Variants in PCDH1 observed in about 807,000 individuals in gnomAD.
PCDH1 encodes the protein protocadherin 1.
Under a neutral mutation model 74.6 loss-of-function variants are expected in PCDH1, and 23 were observed. That is an observed-to-expected ratio of 0.31 (90% CI 0.22 to 0.44). The LOEUF (loss-of-function observed/expected upper bound fraction) is 0.44, where lower values mean the gene tolerates loss of function less well. Among genes scored for constraint, PCDH1 ranks in the 20% least tolerant of loss-of-function variants. The pLI, the probability that PCDH1 is intolerant of heterozygous loss-of-function variation, is 1.00. For synonymous variants in PCDH1, 647 were observed against 686.1 expected (o/e 0.94, Z 0.89); for missense variants, 1,214 against 1,641.4 (o/e 0.74, Z 4.50).
intron 3 of PCDH1, among the ~76,000 whole-genome samples, chr5:141,862,235 G>A (rs1752594981): frequency 1.3e-5 from 2 of 152,208 alleles, no homozygotes; most frequent in Admixed American, 1.3e-4. Context: ...AAGGCAGGAA[G>A]GAAGGCTGAA....
At chr5:141,866,554 G>A (rs1752846770) in intron 2 of PCDH1, among the ~76,000 whole-genome samples, 1 of 152,182 alleles carries the variant, frequency 6.6e-6, no homozygotes, top group African/African-American at 2.4e-5. Context: ...GGGAGAATAA[G>A]CATAACTTGG....
Position 141,853,927 on chromosome 5 carries a change from T to C in PCDH1, c.*115A>G. 1 of 960,832 alleles carries C rather than the reference T, an allele frequency of 1.0e-6. No homozygotes were observed. The highest frequency in any genetic ancestry group is 2.2e-5 in the South Asian group (1 of 46,244). 59.5% of individuals were successfully genotyped at this position (960,832 alleles called of 1,614,324 possible). A position where few individuals can be genotyped will look rare whatever the true frequency, so the allele number is the denominator to read the frequency against. On this transcript the variant is annotated 3_prime_UTR_variant, in exon 5 of 5. Coordinates refer to ENST00000287008, the MANE Select transcript of PCDH1 (RefSeq NM_032420.5). ...GTCATGAGGTCAGTGATACCCCCAC[T>C]TGGGGCCCTGGCCAGGAAGTCCACG...
chr5:141,856,026 T>G (rs1383407337), intron 4 of PCDH1, among the ~76,000 whole-genome samples: 1 of 149,800 alleles, frequency 6.7e-6, no homozygotes, highest in Non-Finnish European at 1.5e-5. Flanking sequence ...CACCACCCAC[T>G]ATGGCTTGGC....
intron 1 of PCDH1, among the ~76,000 whole-genome samples, chr5:141,873,376 G>A (rs1427792779): frequency 1.4e-5 from 2 of 147,308 alleles, no homozygotes; most frequent in Non-Finnish European, 3.0e-5. Flanking sequence ...CTGACCTCAT[G>A]ATCTGCCCGC....
chr5:141,867,915 T>C (rs1049044590), intron 2 of PCDH1, among the ~76,000 whole-genome samples: 8 of 152,176 alleles, frequency 5.3e-5, no homozygotes, highest in Non-Finnish European at 1.0e-4. Context: ...GCAGTTCCCA[T>C]GGAGAGGGGT....
intron 2 of PCDH1, among the ~76,000 whole-genome samples, chr5:141,867,047 A>G (rs1412387417): frequency 6.6e-6 from 1 of 152,162 alleles, no homozygotes; most frequent in Non-Finnish European, 1.5e-5. Context: ...AAACCCTAAC[A>G]GTTTCTCCTC....
rs1752632110 is a variant in PCDH1 at position 141,863,071 on chromosome 5, T to C, written c.3099+161A>G. 2.9e-6 allele frequency: 4 copies of C among 1,367,346 alleles called. No homozygotes were observed. In the East Asian group the frequency reaches 1.0e-4, roughly 36 times the overall value. 84.7% of individuals were successfully genotyped at this position (1,367,346 alleles called of 1,614,324 possible). A position where few individuals can be genotyped will look rare whatever the true frequency, so the allele number is the denominator to read the frequency against. ...CACTCAGCCTAATCCGTGTGCCCGG[T>C]GAGGCACTAAGGCCCCACCTCCCAC... On this transcript the variant is annotated intron_variant, in intron 3 of 4. Transcript: ENST00000287008. This position sits in a 1 kb window ranked among gnomAD's most constrained non-coding sequence, Gnocchi z 7.5.
At chr5:141,857,562 CTACT>C in intron 3 of PCDH1, 91 bp from the exon 4 acceptor site, 1 of 1,072,670 alleles carries the variant, frequency 9.3e-7, no homozygotes, top group Non-Finnish European at 1.3e-6. Flanking sequence ...AAGCACCATC[CTACT>C]CAGGCTTCAA....
chr5:141,870,453 T>A (rs994088190), intron 1 of PCDH1, among the ~76,000 whole-genome samples: 1 of 152,106 alleles, frequency 6.6e-6, no homozygotes, highest in Non-Finnish European at 1.5e-5. Flanking sequence ...CCCTGGCCTG[T>A]CCTTAGCAAC....
chr5:141,863,921 C>T lies in PCDH1; in HGVS notation c.2410G>A (p.Gly804Ser). 6.2e-7 allele frequency: 1 copy of T among 1,614,168 alleles called. No individual in the cohort carries two copies. Among genetic ancestry groups the T allele is most frequent in the Non-Finnish European group, 8.5e-7 (1 of 1,180,024 alleles). ...VSDRGKPPRY[G>S]TALVHLYVNE... is the part of the protein sequence containing the mutation. ...ACATAAAGATGGACCAAGGCTGTGC[C>T]ATAGCGTGGGGGCTTGCCGCGGTCA... Residue 804 changes from glycine to serine, a missense_variant, in exon 3 of 5, where the codon GGC becomes AGC. By Grantham distance (56) the Gly-to-Ser change is moderately conservative (BLOSUM62 0). Transcript: ENST00000287008. The surrounding 1 kb of genome is among the most constrained non-coding windows in gnomAD (Gnocchi z 7.5).
chr5:141,858,626 C>T (rs935733810), intron 3 of PCDH1, among the ~76,000 whole-genome samples: 1 of 152,166 alleles, frequency 6.6e-6, no homozygotes, highest in Non-Finnish European at 1.5e-5. Flanking sequence ...TGGCACTTGG[C>T]ACAACCAGCC....
At chr5:141,861,503 G>A (rs927459015) in intron 3 of PCDH1, among the ~76,000 whole-genome samples, 2 of 152,158 alleles carry the variant, frequency 1.3e-5, no homozygotes, top group South Asian at 2.1e-4. Flanking sequence ...AAAGACGGAA[G>A]GAATGCCAGA....
intron 3 of PCDH1, among the ~76,000 whole-genome samples, chr5:141,860,515 AAG>A (rs1285797230): frequency 6.8e-6 from 1 of 146,674 alleles, no homozygotes; most frequent in Non-Finnish European, 1.5e-5. Context: ...AAAAAAAAAA[AAG>A]GTTAAACGAA....
In PCDH1 at chr5:141,854,056, C is replaced by T. The variant is rs758543070; in HGVS notation, c.3700G>A (p.Glu1234Lys). 25 of 1,515,772 alleles carry T rather than the reference C, an allele frequency of 1.6e-5. No homozygotes were observed. In the East Asian group the frequency reaches 3.0e-4, roughly 18 times the overall value. The allele number at this position is 1,515,772 out of a possible 1,614,324, so 93.9% of individuals were successfully genotyped here. A position where few individuals can be genotyped will look rare whatever the true frequency, so the allele number is the denominator to read the frequency against. Residue 1234 changes from glutamate to lysine, a missense_variant, in exon 5 of 5, where the codon GAG becomes AAG. This residue lies in a region of PCDH1 where 194 missense variants were observed against 198.3 expected (regional missense o/e 0.98). Coordinates refer to ENST00000287008, the MANE Select transcript of PCDH1 (RefSeq NM_032420.5). ...TPASAQTAKR[E>K]IYL ...CAGTAGGGGGCTCACAGGTAGATCTCGCGCTTGGCCGTCTGGGCAGATGCC... is the reference window on the plus strand; with the variant it reads ...CAGTAGGGGGCTCACAGGTAGATCTTGCGCTTGGCCGTCTGGGCAGATGCC...
Position 141,868,734 on chromosome 5 carries a change from A to G in PCDH1, c.738T>C (p.Tyr246=). 6.2e-7 allele frequency: 1 copy of G among 1,614,144 alleles called. No individual in the cohort carries two copies. Among genetic ancestry groups the G allele is most frequent in the Non-Finnish European group, 8.5e-7 (1 of 1,180,016 alleles). The change falls in exon 2 of 5, where the codon TAT becomes TAC. Residue 246 remains tyrosine, a synonymous_variant. Coordinates refer to ENST00000287008, the MANE Select transcript of PCDH1 (RefSeq NM_032420.5). The surrounding 1 kb of genome is among the most constrained non-coding windows in gnomAD (Gnocchi z 4.8). ...CATCCTGCACCTTGATGGTGAGGTC[A>G]TAGGAGTCCCAGCGCTCACGGTCCA... is the stretch of plus-strand genomic sequence containing the variant. The part of the protein sequence containing the change: ...GNLDRERWDS[Y]DLTIKVQDGG...
intron 1 of PCDH1, among the ~76,000 whole-genome samples, chr5:141,877,826 T>C (rs1753278367): frequency 6.6e-6 from 1 of 152,162 alleles, no homozygotes; most frequent in Admixed American, 6.5e-5. Context: ...TATGTATGTG[T>C]TGTGGACAAC....
At chr5:141,862,744 A>G (rs910516312) in intron 3 of PCDH1, 7 of 1,004,432 alleles carry the variant, frequency 7.0e-6, no homozygotes, top group Admixed American at 6.0e-5. Context: ...TGCACAATAC[A>G]CACAGAAGGC....
rs567996435 is a variant in PCDH1 at position 141,865,638 on chromosome 5, C to T, written c.904-211G>A. Reference sequence around the variant, plus strand: ...ATTACTAACCTATTTTCCTGAAGAGCCCAGATGCAGCCTGCAAATCCTCAA... The same window carrying T: ...ATTACTAACCTATTTTCCTGAAGAGTCCAGATGCAGCCTGCAAATCCTCAA... On this transcript the variant is annotated intron_variant, in intron 2 of 4. Transcript: ENST00000287008. The surrounding 1 kb of genome is among the most constrained non-coding windows in gnomAD (Gnocchi z 4.4). Among the ~76,000 whole-genome samples the T allele has an allele frequency of 5.3e-5, 8 of 152,318 alleles. No individual in the cohort carries two copies. The highest frequency in any genetic ancestry group is 1.9e-4 in the African/African-American group (8 of 41,550).
In PCDH1 at chr5:141,863,997, C is replaced by T. The variant is rs147291442; in HGVS notation, c.2334G>A (p.Lys778=). 1.7e-4 allele frequency: 276 copies of T among 1,613,902 alleles called. No individual in the cohort carries two copies. In the African/African-American group the frequency reaches 3.3e-3, roughly 19 times the overall value. ...GCCCATGGTGGCGCCGCTCAATCTC[C>T]TTCTCCAGGGTGATGGCACCTGAAT... ...GSHSGAITLE[K]EIERRHHGLH... The change falls in exon 3 of 5, where the codon AAG becomes AAA. Residue 778 remains lysine (K), a synonymous_variant. Transcript: ENST00000287008. The surrounding 1 kb of genome is among the most constrained non-coding windows in gnomAD (Gnocchi z 7.5).
Sources: gnomAD v4.1 joint callset for allele counts (sites outside exome capture counted in the v4.1 genomes callset) on GRCh38, gnomAD v4.1.1 for gene constraint, gnomAD v4.1.1 regional missense constraint, Gnocchi (gnomAD v3.1) non-coding constraint, MANE v1.5 for transcripts, NCBI Gene and HGNC (gene_info 2026-07-23, HGNC 2026-07-21) for gene names.